DPP10: variants seen among roughly 807,000 people sequenced by gnomAD.
DPP10 encodes inactive dipeptidyl peptidase 10.
In DPP10, 33 loss-of-function variants were observed where a neutral mutation model predicts 120.9. That is an observed-to-expected ratio of 0.27 (90% CI 0.21 to 0.37). The LOEUF (loss-of-function observed/expected upper bound fraction) is 0.37. DPP10 is among the 10% of genes least tolerant of loss of function. The probability of loss-of-function intolerance (pLI) is 1.00; values close to 1 mark genes in which losing one functional copy is unlikely to be tolerated. For synonymous variants in DPP10, 337 were observed against 326.1 expected (o/e 1.03, Z -0.36); for missense variants, 816 against 942.8 (o/e 0.87, Z 1.76).
At chr2:115,170,349 TTCTC>T (rs751407888) in intron 1 of DPP10, among the ~76,000 whole-genome samples, 9 of 152,208 alleles carry the variant, frequency 5.9e-5, no homozygotes, top group Admixed American at 1.3e-4. Context: ...TTGATAATTC[TTCTC>T]TCTTAGACAC....
intron 4 of DPP10, among the ~76,000 whole-genome samples, chr2:115,521,611 T>C (rs535600931): frequency 1.3e-5 from 2 of 151,970 alleles, no homozygotes; most frequent in African/African-American, 4.8e-5. Flanking sequence ...CCTTATTTTT[T>C]TTTTTTTGTA....
rs141722921 is a variant in DPP10 at position 114,819,562 on chromosome 2, C to T, written c.60+376724C>T. 4.6e-3 allele frequency among the ~76,000 whole-genome samples: 708 copies of T among 152,272 alleles called. 8 individuals are homozygous for T. The highest frequency in any genetic ancestry group is 0.016 in the African/African-American group (681 of 41,562). On this transcript the variant is annotated intron_variant, in intron 1 of 25. Transcript: ENST00000410059. ...TAATCATGCATCAGTTAGTTTTTGG[C>T]TCTTTAATTTTGAAAGCAGATGTTT...
In DPP10 at chr2:114,898,702, T is replaced by C. The variant is rs966804853; in HGVS notation, c.61-410537T>C. 2.0e-5 allele frequency among the ~76,000 whole-genome samples: 3 copies of C among 152,324 alleles called. No individual in the cohort carries two copies. In the East Asian group the frequency reaches 5.8e-4, roughly 29 times the overall value. On this transcript the variant is annotated intron_variant, in intron 1 of 25. Coordinates refer to ENST00000410059, the MANE Select transcript of DPP10 (RefSeq NM_020868.6). ...TTAACAATAATAACAACTATTTAGT[T>C]GCCTGAATATTTCACTTTTCAATAG... is the stretch of plus-strand genomic sequence containing the variant.
intron 2 of DPP10, among the ~76,000 whole-genome samples, chr2:115,325,061 C>T (rs1343858084): frequency 6.6e-6 from 1 of 151,702 alleles, no homozygotes; most frequent in East Asian, 1.9e-4. Flanking sequence ...TCACAGATCA[C>T]CGTAACAGAT....
intron 17 of DPP10, among the ~76,000 whole-genome samples, chr2:115,783,704 A>G (rs1344117658): frequency 6.6e-6 from 1 of 152,152 alleles, no homozygotes; most frequent in Non-Finnish European, 1.5e-5. Context: ...AATATATTCA[A>G]TATTAACTCT....
intron 1 of DPP10, among the ~76,000 whole-genome samples, chr2:114,527,362 C>T (rs1381286364): frequency 1.3e-5 from 2 of 152,120 alleles, no homozygotes; most frequent in East Asian, 3.8e-4. Flanking sequence ...ACCAATTTAG[C>T]TTTTTTACAG....
intron 15 of DPP10, among the ~76,000 whole-genome samples, chr2:115,779,851 G>C (rs1055487061): frequency 6.6e-6 from 1 of 151,834 alleles, no homozygotes; most frequent in Non-Finnish European, 1.5e-5. Context: ...ATTTGTGCTT[G>C]GTATATATTG....
intron 1 of DPP10, among the ~76,000 whole-genome samples, chr2:114,460,335 G>C (rs1678828620): frequency 1.3e-5 from 2 of 151,916 alleles, no homozygotes; most frequent in South Asian, 4.2e-4. Flanking sequence ...CTTGTGTTTT[G>C]GTATAGTACT....
intron 1 of DPP10, among the ~76,000 whole-genome samples, chr2:114,877,694 G>A (rs899843852): frequency 2.6e-5 from 4 of 152,006 alleles, no homozygotes; most frequent in Admixed American, 6.6e-5. Flanking sequence ...TTTATGAAAT[G>A]TCAAGATGAC....
chr2:115,244,233 TATATATAGAGAG>T lies in DPP10; in HGVS notation c.61-65004_61-64993del, dbSNP rs1472857382. On this transcript the variant is annotated intron_variant, in intron 1 of 25. Coordinates refer to ENST00000410059, the MANE Select transcript of DPP10 (RefSeq NM_020868.6). ...ATGTGTGTGTATATATATATATATA[TATATATAGAGAG>T]AGAGAGAGAGAGAGAGAGAGAGAGA... Among the ~76,000 whole-genome samples the T allele has an allele frequency of 2.8e-3, 126 of 44,388 alleles. 1 individual carries two copies. The highest frequency in any genetic ancestry group is 3.9e-3 in the African/African-American group (39 of 10,070). The allele number at this position is 44,388 out of a possible 152,430, so 29.1% of individuals were successfully genotyped here. A position where few individuals can be genotyped will look rare whatever the true frequency, so the allele number is the denominator to read the frequency against.
intron 1 of DPP10, among the ~76,000 whole-genome samples, chr2:115,081,298 C>T (rs1436820043): frequency 6.6e-6 from 1 of 152,144 alleles, no homozygotes; most frequent in Non-Finnish European, 1.5e-5. Context: ...AGTAATCTCT[C>T]TCATGTATAG....
At chr2:115,483,540 A>G (rs369070053) in intron 3 of DPP10, among the ~76,000 whole-genome samples, 2 of 152,062 alleles carry the variant, frequency 1.3e-5, no homozygotes, top group South Asian at 2.1e-4. Context: ...TTTGGGAGGA[A>G]TTCATAATTC....
chr2:114,614,039 G>T (rs540783787), intron 1 of DPP10, among the ~76,000 whole-genome samples: 196 of 152,184 alleles, frequency 1.3e-3, no homozygotes, highest in Non-Finnish European at 2.6e-3. Flanking sequence ...AAATCTAGAT[G>T]ATGGGTTGAT....
chr2:115,772,476 A>G (rs949152436), intron 13 of DPP10, among the ~76,000 whole-genome samples: 2 of 152,148 alleles, frequency 1.3e-5, no homozygotes, highest in Non-Finnish European at 2.9e-5. Flanking sequence ...TGTTTTCTCC[A>G]CTTTCATATA....
At chr2:114,962,049 G>A (rs1384173324) in intron 1 of DPP10, among the ~76,000 whole-genome samples, 2 of 152,108 alleles carry the variant, frequency 1.3e-5, no homozygotes, top group African/African-American at 4.8e-5. Context: ...TACTGCTGCT[G>A]CTACAAATAC....
intron 7 of DPP10, among the ~76,000 whole-genome samples, chr2:115,707,579 GAC>G (rs200366844): frequency 0.077 from 11,709 of 151,412 alleles, 631 homozygotes; most frequent in Non-Finnish European, 0.11. Flanking sequence ...TGTGTCTCAA[GAC>G]ATACATTGAG....
chr2:114,720,101 A>T (rs937504501), intron 1 of DPP10, among the ~76,000 whole-genome samples: 1 of 152,150 alleles, frequency 6.6e-6, no homozygotes, highest in East Asian at 1.9e-4. Context: ...CTTTACACAG[A>T]TAAGGGAACT....
intron 1 of DPP10, among the ~76,000 whole-genome samples, chr2:114,632,516 T>G (rs974259501): frequency 1.5e-5 from 2 of 135,998 alleles, no homozygotes; most frequent in African/African-American, 2.8e-5. Context: ...TTTTTTTTTT[T>G]TTTTTTTTTT....
intron 1 of DPP10, among the ~76,000 whole-genome samples, chr2:115,252,413 C>T (rs1007053463): frequency 1.3e-5 from 2 of 152,178 alleles, no homozygotes; most frequent in African/African-American, 4.8e-5. Flanking sequence ...CTGCAATGGG[C>T]TGTTAACCTA....
Sources: gnomAD v4.1 joint callset for allele counts (sites outside exome capture counted in the v4.1 genomes callset) on GRCh38, gnomAD v4.1.1 for gene constraint, MANE v1.5 for transcripts, NCBI Gene and HGNC (gene_info 2026-07-23, HGNC 2026-07-21) for gene names.